ZNF81: variants seen among roughly 807,000 people sequenced by gnomAD.
ZNF81 encodes zinc finger protein 81, also known as zinc finger protein 81 (HFZ20).
In ZNF81, 5 loss-of-function variants were observed where a neutral mutation model predicts 32.3. The ratio of observed to expected loss-of-function variants is 0.15; its 90% confidence interval spans 0.08 to 0.33. The LOEUF is 0.33. Among genes scored for constraint, ZNF81 ranks in the 10% least tolerant of loss-of-function variants. The pLI, the probability that ZNF81 is intolerant of heterozygous loss-of-function variation, is 1.00. For missense variants in ZNF81, 379 were observed against 479.8 expected (o/e 0.79, Z 1.96); for synonymous variants, 163 against 166.8 (o/e 0.98, Z 0.17).
intron 1 of ZNF81, among the ~76,000 whole-genome samples, chrX:47,844,841 G>A (rs1270187577): frequency 8.9e-6 from 1 of 112,378 alleles, no homozygotes; most frequent in Non-Finnish European, 1.9e-5. Context: ...ACCAACACTT[G>A]TTACTGTCTT....
At chrX:47,859,004 A>C (rs986222042) in intron 2 of ZNF81, among the ~76,000 whole-genome samples, 2 of 109,642 alleles carry the variant, frequency 1.8e-5, no homozygotes, top group Non-Finnish European at 3.8e-5. Flanking sequence ...GCAGGAGAGA[A>C]TTGCTTGAAC....
chrX:47,845,471 C>G (rs782344766), intron 1 of ZNF81, among the ~76,000 whole-genome samples: 1 of 111,995 alleles, frequency 8.9e-6, no homozygotes, highest in Non-Finnish European at 1.9e-5. Context: ...TTTTACTTAA[C>G]TTTTTTATTC....
intron 2 of ZNF81, among the ~76,000 whole-genome samples, chrX:47,878,834 C>T (rs1556884827): frequency 8.9e-6 from 1 of 112,264 alleles, no homozygotes; most frequent in African/African-American, 3.2e-5. Context: ...TTCTGTAGTT[C>T]AGAAGTCCAA....
At chrX:47,900,452 A>T (rs2058694668) in intron 4 of ZNF81, among the ~76,000 whole-genome samples, 1 of 112,016 alleles carries the variant, frequency 8.9e-6, no homozygotes, top group African/African-American at 3.2e-5. Flanking sequence ...ACAAAAATTA[A>T]CTCAAGTTCT....
At chrX:47,912,980 A>ACTTGT (rs1390322398) in intron 4 of ZNF81, among the ~76,000 whole-genome samples, 1 of 109,315 alleles carries the variant, frequency 9.1e-6, no homozygotes, top group Non-Finnish European at 1.9e-5. Flanking sequence ...ACCAGAGATG[A>ACTTGT]CTTGTCTTTT....
At chrX:47,913,270 C>G (rs1281076237) in intron 4 of ZNF81, among the ~76,000 whole-genome samples, 2 of 111,948 alleles carry the variant, frequency 1.8e-5, no homozygotes, top group African/African-American at 6.5e-5. Context: ...CCCAGCTACT[C>G]AGGAAGCTGA....
intron 1 of ZNF81, chrX:47,841,197 G>T (rs2058447874): frequency 4.0e-6 from 3 of 746,901 alleles, no homozygotes; most frequent in Non-Finnish European, 6.2e-6. Flanking sequence ...TCACTGTACT[G>T]TCTGTCAGAG....
chrX:47,849,667 C>T (rs782269806), intron 2 of ZNF81, among the ~76,000 whole-genome samples: 1 of 103,485 alleles, frequency 9.7e-6, no homozygotes, highest in East Asian at 3.0e-4. Flanking sequence ...AGCGAGACTC[C>T]GTCTCAAAAA....
intron 2 of ZNF81, among the ~76,000 whole-genome samples, chrX:47,884,379 T>C (rs1307688245): frequency 9.1e-6 from 1 of 109,945 alleles, no homozygotes; most frequent in African/African-American, 3.3e-5. Context: ...TCACAGTTTC[T>C]GTAGGTCAGG....
intron 2 of ZNF81, among the ~76,000 whole-genome samples, chrX:47,882,215 T>A (rs2058623988): frequency 9.0e-6 from 1 of 111,143 alleles, no homozygotes; most frequent in African/African-American, 3.3e-5. Context: ...TACACACATA[T>A]ATGTACATAT....
At chrX:47,855,457 A>AGT (rs1556881763) in intron 2 of ZNF81, among the ~76,000 whole-genome samples, 1 of 111,071 alleles carries the variant, frequency 9.0e-6, no homozygotes, top group African/African-American at 3.3e-5. Context: ...TATAACTCTG[A>AGT]GTATATTGGG....
chrX:47,911,022 T>C (rs782742962), intron 4 of ZNF81, among the ~76,000 whole-genome samples: 34 of 111,212 alleles, frequency 3.1e-4, no homozygotes, highest in Non-Finnish European at 5.1e-4. Flanking sequence ...CAGATTCCAT[T>C]CTTGTTTCTA....
chrX:47,893,896 C>T (rs1157608687), intron 3 of ZNF81, among the ~76,000 whole-genome samples: 1 of 111,149 alleles, frequency 9.0e-6, no homozygotes, highest in Non-Finnish European at 1.9e-5. Flanking sequence ...CCCAATCAGT[C>T]AGGAGTGAAG....
intron 2 of ZNF81, among the ~76,000 whole-genome samples, chrX:47,859,033 G>A (rs562321525): frequency 1.8e-5 from 2 of 108,789 alleles, no homozygotes; most frequent in African/African-American, 6.7e-5. Flanking sequence ...CAGAAGTTGC[G>A]GTGAGGCAAG....
chrX:47,911,362 C>G (rs1556889894), intron 4 of ZNF81, among the ~76,000 whole-genome samples: 1 of 108,009 alleles, frequency 9.3e-6, no homozygotes, highest in African/African-American at 3.6e-5. Context: ...AGGCTTTCAT[C>G]TATTCCATGA....
chrX:47,859,910 A>T (rs982148656), intron 2 of ZNF81, among the ~76,000 whole-genome samples: 4 of 110,804 alleles, frequency 3.6e-5, no homozygotes, highest in Non-Finnish European at 3.8e-5. Flanking sequence ...CTGGAGGGAG[A>T]CACAATATAT....
At chrX:47,914,388 T>A (rs782455858) in intron 4 of ZNF81, among the ~76,000 whole-genome samples, 5 of 112,291 alleles carry the variant, frequency 4.5e-5, no homozygotes, top group Non-Finnish European at 9.4e-5. Flanking sequence ...CAGATTGTAA[T>A]GAAATTGAAA....
chrX:47,905,819 G>A (rs1287127151), intron 4 of ZNF81, among the ~76,000 whole-genome samples: 1 of 112,537 alleles, frequency 8.9e-6, no homozygotes, highest in Non-Finnish European at 1.9e-5. Flanking sequence ...GCGAAGCAAT[G>A]ACCTAGGAGA....
At chrX:47,865,888 C>G (rs1444772278) in intron 2 of ZNF81, among the ~76,000 whole-genome samples, 2 of 111,673 alleles carry the variant, frequency 1.8e-5, no homozygotes, top group Non-Finnish European at 3.8e-5. Flanking sequence ...CCTCTGATGG[C>G]AAAGGTGTGC....
Sources: allele counts gnomAD v4.1 joint callset (sites outside exome capture counted in the v4.1 genomes callset), GRCh38; gene constraint gnomAD v4.1.1; transcripts MANE v1.5; gene names NCBI Gene and HGNC (gene_info 2026-07-23, HGNC 2026-07-21).